CCSER1: variants seen among roughly 807,000 people sequenced by gnomAD.
The protein encoded by CCSER1 is serine-rich coiled-coil domain-containing protein 1.
A neutral mutation model predicts 82.0 loss-of-function variants in CCSER1; 41 were observed. The observed-to-expected ratio is 0.50, with a 90% CI of 0.39 to 0.65. CCSER1 has a LOEUF of 0.65. CCSER1 is among the 30% of genes least tolerant of loss of function. The probability of loss-of-function intolerance (pLI) is 0.00; values close to 1 mark genes in which losing one functional copy is unlikely to be tolerated. For missense variants in CCSER1, 1,119 were observed against 1,064.2 expected (o/e 1.05, Z -0.72); for synonymous variants, 414 against 383.9 (o/e 1.08, Z -0.92).
rs562516626 is a variant in CCSER1, at chr4:90,737,877, G to A, written c.2010+13886G>A. Among the ~76,000 whole-genome samples, 7 of 152,168 alleles carry A rather than the reference G, an allele frequency of 4.6e-5. No homozygotes were observed. The South Asian group carries it at 1.5e-3, about 32-fold the overall frequency. On this transcript the variant is annotated intron_variant, in intron 7 of 10. Coordinates refer to ENST00000509176, the MANE Select transcript of CCSER1 (RefSeq NM_001145065.2). The stretch of plus-strand genomic sequence containing the variant: ...TATTCTCCTTGATCAGTTCTTCTGA[G>A]ACTCTGATCTGTTCTTCAGTATTTC...
intron 10 of CCSER1, among the ~76,000 whole-genome samples, chr4:91,583,885 G>GGCCTT (rs1195739133): frequency 6.6e-6 from 1 of 151,294 alleles, no homozygotes; most frequent in Non-Finnish European, 1.5e-5. Context: ...AGGACATATT[G>GGCCTT]TTGGCCAGAT....
At chr4:90,362,862 C>T (rs1295454159) in intron 3 of CCSER1, among the ~76,000 whole-genome samples, 1 of 152,136 alleles carries the variant, frequency 6.6e-6, no homozygotes. Flanking sequence ...TCAATAGTTT[C>T]ATACAAGGGA....
chr4:90,255,954 A>G (rs1174208192), intron 1 of CCSER1, among the ~76,000 whole-genome samples: 1 of 152,160 alleles, frequency 6.6e-6, no homozygotes, highest in Non-Finnish European at 1.5e-5. Context: ...TAAGCTAGCT[A>G]GTGATGGAAC....
At chr4:90,272,423 A>T (rs1261217675) in intron 1 of CCSER1, among the ~76,000 whole-genome samples, 3 of 152,162 alleles carry the variant, frequency 2.0e-5, no homozygotes, top group Non-Finnish European at 2.9e-5. Flanking sequence ...GCAGACAAGG[A>T]TGTGGAGAAA....
intron 7 of CCSER1, among the ~76,000 whole-genome samples, chr4:90,750,306 A>T (rs566980333): frequency 3.0e-4 from 46 of 152,094 alleles, no homozygotes; most frequent in African/African-American, 1.1e-3. Flanking sequence ...ATTAGATCCC[A>T]TTTGTCTTTC....
chr4:90,694,797 G>GGTGTGTGTGTGT lies in CCSER1; in HGVS notation c.1933-29098_1933-29087dup, dbSNP rs112192037. On this transcript the variant is annotated intron_variant, in intron 6 of 10. Transcript: ENST00000509176. ...TTCTCAATGCACGATGTGTGTGTGG[G>GGTGTGTGTGTGT]GTGTGTGTGTGTGTGTGTGTGTGTG... Among the ~76,000 whole-genome samples the GGTGTGTGTGTGT allele has an allele frequency of 4.2e-4, 61 of 145,452 alleles. No homozygotes were observed. The Middle Eastern group carries it at 0.01, about 25-fold the overall frequency.
intron 8 of CCSER1, among the ~76,000 whole-genome samples, chr4:90,918,025 T>C (rs957846214): frequency 5.9e-5 from 9 of 152,124 alleles, no homozygotes; most frequent in African/African-American, 9.7e-5. Context: ...AAAATCTTTT[T>C]CTAGCTTTTA....
chr4:90,911,143 A>G, intron 8 of CCSER1: 1 of 372,090 alleles, frequency 2.7e-6, no homozygotes, highest in South Asian at 2.2e-5. Context: ...CCATTGTTAA[A>G]TCTGGGTAAT....
At chr4:90,661,976 A>G (rs969090056) in intron 6 of CCSER1, among the ~76,000 whole-genome samples, 7 of 150,418 alleles carry the variant, frequency 4.7e-5, no homozygotes, top group Admixed American at 4.6e-4. Context: ...TGTTTGTCCT[A>G]TACCACTCTT....
At chr4:90,671,672 C>T (rs1049911875) in intron 6 of CCSER1, among the ~76,000 whole-genome samples, 2 of 151,978 alleles carry the variant, frequency 1.3e-5, no homozygotes, top group African/African-American at 2.4e-5. Context: ...TTGACTTCCT[C>T]CCATGAATTA....
At chr4:90,297,497 C>A (rs1332552535) in intron 1 of CCSER1, among the ~76,000 whole-genome samples, 2 of 151,102 alleles carry the variant, frequency 1.3e-5, no homozygotes, top group Non-Finnish European at 2.9e-5. Flanking sequence ...CCTTCTCCTG[C>A]CTGATTGCCC....
chr4:91,543,037 G>T (rs1244364722), intron 10 of CCSER1, among the ~76,000 whole-genome samples: 5 of 152,160 alleles, frequency 3.3e-5, no homozygotes, highest in East Asian at 3.9e-4. Context: ...GTTGAATTGA[G>T]CCCTTTACCA....
intron 4 of CCSER1, among the ~76,000 whole-genome samples, chr4:90,460,853 T>C (rs1204582887): frequency 6.6e-6 from 1 of 152,160 alleles, no homozygotes; most frequent in East Asian, 1.9e-4. Context: ...AGAAAATAAG[T>C]AGATATAGAC....
At chr4:90,780,085 G>A in intron 7 of CCSER1, among the ~76,000 whole-genome samples, 1 of 152,180 alleles carries the variant, frequency 6.6e-6, no homozygotes, top group Admixed American at 6.5e-5. Context: ...TTATAAGTAG[G>A]TATCTTTTTA....
intron 6 of CCSER1, among the ~76,000 whole-genome samples, chr4:90,708,181 C>A (rs1739762367): frequency 6.6e-6 from 1 of 152,168 alleles, no homozygotes. Context: ...TCATTTCAGT[C>A]TCACAAGACT....
Position 91,237,406 on chromosome 4 carries a change from A to G in CCSER1, c.2217+151412A>G, listed in dbSNP as rs568266390. 7.3e-5 allele frequency among the ~76,000 whole-genome samples: 11 copies of G among 151,064 alleles called. No homozygotes were observed. In the East Asian group the frequency reaches 2.1e-3, roughly 29 times the overall value. On this transcript the variant is annotated intron_variant, in intron 10 of 10. Transcript: ENST00000509176. ...CTTTATATATATATATAAAGTTTATATATATTGTCATATATATAAACTTGG... is the reference window on the plus strand; with the variant it reads ...CTTTATATATATATATAAAGTTTATGTATATTGTCATATATATAAACTTGG...
At chr4:91,323,123 G>T (rs1407232168) in intron 10 of CCSER1, among the ~76,000 whole-genome samples, 1 of 152,144 alleles carries the variant, frequency 6.6e-6, no homozygotes, top group Non-Finnish European at 1.5e-5. Context: ...ATGCGGGCTG[G>T]ACTCATTGTA....
At chr4:90,369,897 G>A (rs1053831782) in intron 3 of CCSER1, among the ~76,000 whole-genome samples, 2 of 151,972 alleles carry the variant, frequency 1.3e-5, no homozygotes, top group African/African-American at 2.4e-5. Flanking sequence ...CTGGTATAAT[G>A]AAAACTTTTC....
intron 9 of CCSER1, among the ~76,000 whole-genome samples, chr4:90,944,231 C>A (rs963737044): frequency 9.9e-3 from 1,046 of 105,896 alleles, no homozygotes; most frequent in South Asian, 0.013. Context: ...GACTCCGCCT[C>A]AAAAAAAAAA....
Sources: gnomAD v4.1 joint callset for allele counts (sites outside exome capture counted in the v4.1 genomes callset) on GRCh38, gnomAD v4.1.1 for gene constraint, MANE v1.5 for transcripts, NCBI Gene and HGNC (gene_info 2026-07-23, HGNC 2026-07-21) for gene names.